MEMO1: variants seen among roughly 807,000 people sequenced by gnomAD.
MEMO1 encodes the protein mediator of cell motility 1.
MEMO1 carries 6 observed loss-of-function variants against 45.2 expected under a neutral mutation model. The observed-to-expected ratio is 0.13, with a 90% confidence interval of 0.07 to 0.26. The LOEUF (loss-of-function observed/expected upper bound fraction) is 0.26. MEMO1 is among the 10% of genes least tolerant of loss of function. MEMO1 has a pLI of 1.00. For synonymous variants in MEMO1, 78 were observed against 124.3 expected (o/e 0.63, Z 2.48); for missense variants, 184 against 370.5 (o/e 0.50, Z 4.13).
intron 8 of MEMO1, among the ~76,000 whole-genome samples, chr2:31,874,360 A>G (rs1239177579): frequency 6.6e-6 from 1 of 152,100 alleles, no homozygotes; most frequent in African/African-American, 2.4e-5. Flanking sequence ...CAATAAAATT[A>G]CAAGACTTTC....
At chr2:31,931,550 G>GT (rs35473423) in intron 4 of MEMO1, among the ~76,000 whole-genome samples, 59 of 148,032 alleles carry the variant, frequency 4.0e-4, no homozygotes, top group Admixed American at 4.0e-4. Context: ...TTCCCAGGAA[G>GT]TTTTTTTTTT....
intron 2 of MEMO1, among the ~76,000 whole-genome samples, chr2:31,988,969 G>T (rs1454904599): frequency 6.6e-6 from 1 of 152,112 alleles, no homozygotes; most frequent in Non-Finnish European, 1.5e-5. Context: ...CACTTTGAGA[G>T]GCCAAGGCAG....
intron 7 of MEMO1, 50 bp from the exon 8 acceptor site, chr2:31,883,512 A>G: frequency 1.5e-6 from 2 of 1,353,080 alleles, no homozygotes; most frequent in Admixed American, 2.4e-5. Context: ...ATTAGAAGCT[A>G]AAAAGAAAGC....
chr2:31,870,635 G>T (rs1673568670), intron 8 of MEMO1, among the ~76,000 whole-genome samples: 1 of 152,128 alleles, frequency 6.6e-6, no homozygotes, highest in African/African-American at 2.4e-5. Flanking sequence ...GGAGTGCAGT[G>T]GTGCGATCTC....
At chr2:31,944,451 G>A (rs1572762487) in intron 2 of MEMO1, among the ~76,000 whole-genome samples, 1 of 152,216 alleles carries the variant, frequency 6.6e-6, no homozygotes, top group African/African-American at 2.4e-5. Flanking sequence ...TGCATTCTGA[G>A]AAACTGCTAA....
At chr2:31,920,957 C>T (rs779329236) in intron 4 of MEMO1, 47 bp from the exon 5 acceptor site, 1 of 1,228,350 alleles carries the variant, frequency 8.1e-7, no homozygotes, top group Non-Finnish European at 1.2e-6. Context: ...CACTTCTACA[C>T]AAACCTTATT....
At chr2:31,896,181 C>G (rs1677783593) in intron 6 of MEMO1, among the ~76,000 whole-genome samples, 1 of 152,130 alleles carries the variant, frequency 6.6e-6, no homozygotes, top group Non-Finnish European at 1.5e-5. Context: ...AAAATAACTT[C>G]TAACATATAG....
intron 6 of MEMO1, among the ~76,000 whole-genome samples, chr2:31,895,097 T>C (rs538391276): frequency 3.9e-5 from 6 of 152,310 alleles, no homozygotes; most frequent in Admixed American, 1.3e-4. Flanking sequence ...GATTCTGCAG[T>C]TGAAGTTCAT....
At chr2:31,948,452 G>A (rs187495498) in intron 2 of MEMO1, among the ~76,000 whole-genome samples, 5 of 152,206 alleles carry the variant, frequency 3.3e-5, no homozygotes, top group South Asian at 2.1e-4. Flanking sequence ...TAGGCCGTTG[G>A]CACCCAGTAT....
intron 2 of MEMO1, among the ~76,000 whole-genome samples, chr2:31,948,642 T>C (rs1417238005): frequency 6.6e-6 from 1 of 152,224 alleles, no homozygotes; most frequent in Non-Finnish European, 1.5e-5. Context: ...CTCACACTTG[T>C]AATACCAGCA....
chr2:32,003,049 A>AG (rs1336966260), intron 2 of MEMO1, among the ~76,000 whole-genome samples: 2 of 152,204 alleles, frequency 1.3e-5, no homozygotes, highest in Admixed American at 6.5e-5. Context: ...GTCTTTCCAA[A>AG]GAGAAATATT....
At chr2:31,917,901 G>T in intron 6 of MEMO1, 25 bp downstream of exon 6, 1 of 1,437,582 alleles carries the variant, frequency 7.0e-7, no homozygotes, top group Non-Finnish European at 9.5e-7. Context: ...GATTTCCTGG[G>T]GATTTCTTAT....
In MEMO1 at chr2:31,943,379, C is replaced by T. The variant is rs768029726; in HGVS notation, c.66G>A (p.Pro22=). The T allele has an allele frequency of 2.0e-5, 33 of 1,611,350 alleles. No homozygotes were observed. In the East Asian group the frequency reaches 5.3e-4, roughly 26 times the overall value. Residue 22 remains proline (P), a synonymous_variant, in exon 3 of 10, where the codon CCG becomes CCA. Transcript: ENST00000404530. The part of the protein sequence containing the change: ...HAGSWYTASG[P]QLNAQLEGWL... ...AACCTTCTAGCTGTGCATTCAGCTG[C>T]GGTCCTATAAAAAGACAAAGACAAA...
chr2:31,906,755 C>G (rs1679810952), intron 6 of MEMO1, among the ~76,000 whole-genome samples: 4 of 152,136 alleles, frequency 2.6e-5, no homozygotes, highest in African/African-American at 7.2e-5. Context: ...TAATCTGGTT[C>G]CAATCTATTT....
chr2:31,961,337 A>G (rs1224943064), intron 2 of MEMO1, among the ~76,000 whole-genome samples: 1 of 152,132 alleles, frequency 6.6e-6, no homozygotes, highest in African/African-American at 2.4e-5. Context: ...AGCCTGGGTG[A>G]TAAAGGAAGG....
At chr2:31,933,348 AATTTAT>A (rs1407726645) in intron 3 of MEMO1, among the ~76,000 whole-genome samples, 306 of 16,164 alleles carry the variant, frequency 0.019, 13 homozygotes, top group Middle Eastern at 0.056. Flanking sequence ...AAAAAAAAAA[AATTTAT>A]ATATATATAT....
intron 2 of MEMO1, among the ~76,000 whole-genome samples, chr2:31,956,166 T>C (rs1476216852): frequency 6.6e-6 from 1 of 152,198 alleles, no homozygotes; most frequent in Non-Finnish European, 1.5e-5. Context: ...TTCTTTTTTC[T>C]TCATTTTTTG....
chr2:31,993,822 C>T (rs997647658), intron 2 of MEMO1, among the ~76,000 whole-genome samples: 8 of 151,958 alleles, frequency 5.3e-5, no homozygotes, highest in Non-Finnish European at 1.2e-4. Flanking sequence ...TGATAGAACT[C>T]CACCAAGGCC....
At position 31,949,662 on chromosome 2, in the gene MEMO1, A is replaced by AAC. The variant is rs1666605835; in HGVS notation, c.62-6280_62-6279insGT. ...GGGTACAAAAAAAAAAAAAAAAAAA[A>AAC]CCAGAAAGAAGGAACAGGACCTACT... On this transcript the variant is annotated intron_variant, in intron 2 of 9. Transcript: ENST00000404530. 2.7e-5 allele frequency among the ~76,000 whole-genome samples: 4 copies of AAC among 150,590 alleles called. No individual in the cohort carries two copies. In the South Asian group the frequency reaches 6.3e-4, roughly 24 times the overall value.
Sources: allele counts gnomAD v4.1 joint callset (sites outside exome capture counted in the v4.1 genomes callset), GRCh38; gene constraint gnomAD v4.1.1; transcripts MANE v1.5; gene names NCBI Gene and HGNC (gene_info 2026-07-23, HGNC 2026-07-21).